Variants in SULT1C3 observed in about 807,000 individuals in gnomAD.
SULT1C3 encodes the protein sulfotransferase family 1C member 3.
A neutral mutation model predicts 28.4 loss-of-function variants in SULT1C3; 31 were observed. The ratio of observed to expected loss-of-function variants is 1.09; its 90% CI spans 0.82 to 1.47. The LOEUF is 1.47. Among genes scored for constraint, SULT1C3 ranks in the 40% most tolerant of loss-of-function variants. SULT1C3 has a pLI of 0.00. For missense variants in SULT1C3, 307 were observed against 272.5 expected (o/e 1.13, Z -0.89); for synonymous variants, 106 against 92.2 (o/e 1.15, Z -0.86).
rs1383904226 is a variant in SULT1C3 at position 108,257,493 on chromosome 2, A to G, written c.527-1241A>G. Among the ~76,000 whole-genome samples the G allele has an allele frequency of 2.6e-5, 4 of 152,188 alleles. 1 individual carries two copies. Among genetic ancestry groups the G allele is most frequent in the South Asian group, 4.1e-4 (2 of 4,828 alleles). The stretch of plus-strand genomic sequence containing the variant: ...ATAAAACATGCACACACATACATAT[A>G]CATGGATGAGTCCCCTTTATACTTG... On this transcript the variant is annotated intron_variant, in intron 5 of 7. Coordinates refer to ENST00000681802, the MANE Select transcript of SULT1C3 (RefSeq NM_001320878.2).
At chr2:108,261,317 G>A (rs1450063805), downstream of SULT1C3, among the ~76,000 whole-genome samples, 1 of 152,108 alleles carries the variant, frequency 6.6e-6, no homozygotes, top group African/African-American at 2.4e-5. Flanking sequence ...ATCTTCCCAC[G>A]ATATAAATAA....
At position 108,260,848 on chromosome 2, in the gene SULT1C3, C is replaced by A. The variant is rs1239713723; in HGVS notation, c.*168C>A. On this transcript the variant is annotated 3_prime_UTR_variant, in exon 8 of 8. Transcript: ENST00000681802. ...AACATGATTTAAAATATCAACAAAC[C>A]AGTTACTCCAGTAAATAAAATAAGA... 6.6e-6 allele frequency among the ~76,000 whole-genome samples: 1 copy of A among 152,074 alleles called. No individual in the cohort carries two copies. The highest frequency in any genetic ancestry group is 1.5e-5 in the Non-Finnish European group (1 of 68,014).
chr2:108,260,745 C>T lies in SULT1C3; in HGVS notation c.*65C>T, dbSNP rs987105035. On this transcript the variant is annotated 3_prime_UTR_variant, in exon 8 of 8. Coordinates refer to ENST00000681802, the MANE Select transcript of SULT1C3 (RefSeq NM_001320878.2). ...CTATTTCGCCTTTTATTCTGTTGAG[C>T]AAGGAACTGTGACTGAATGTGGAGC... is the stretch of plus-strand genomic sequence containing the variant. The T allele has an allele frequency of 4.3e-5, 19 of 440,202 alleles. 1 individual carries two copies. Among genetic ancestry groups the T allele is most frequent in the African/African-American group, 6.0e-5 (3 of 49,648 alleles). 27.3% of individuals were successfully genotyped at this position (440,202 alleles called of 1,614,324 possible). A position where few individuals can be genotyped will look rare whatever the true frequency, so the allele number is the denominator to read the frequency against.
At chr2:108,257,505 C>A (rs1675903422) in intron 5 of SULT1C3, among the ~76,000 whole-genome samples, 1 of 151,870 alleles carries the variant, frequency 6.6e-6, no homozygotes, top group South Asian at 2.1e-4. Context: ...ATGGATGAGT[C>A]CCCTTTATAC....
intron 1 of SULT1C3, among the ~76,000 whole-genome samples, chr2:108,245,013 C>T (rs966269598): frequency 2.6e-5 from 4 of 152,116 alleles, no homozygotes; most frequent in Admixed American, 2.0e-4. Context: ...ATCTGTTACC[C>T]ATCTAAAAAC....
Position 108,255,677 on chromosome 2 carries a change from G to A in SULT1C3, c.505G>A (p.Glu169Lys), listed in dbSNP as rs757774310. 1.9e-6 allele frequency: 3 copies of A among 1,610,824 alleles called. No homozygotes were observed. The highest frequency in any genetic ancestry group is 2.7e-5 in the African/African-American group (2 of 74,678). The change falls in exon 5 of 8, where the codon GAG becomes AAG. Residue 169 changes from glutamate to lysine, a missense_variant. Physicochemically the swap from Glu to Lys is moderately conservative, Grantham distance 56. Transcript: ENST00000681802. Reference protein sequence around the residue: ...PDPQNLEEFYEKFMSGKVVGG... With the variant: ...PDPQNLEEFYKKFMSGKVVGG... ...TCCTCAGAACTTAGAGGAATTTTAT[G>A]AGAAATTCATGTCCGGAAAAGGTGA...
At chr2:108,263,817 G>A (rs1169351184), downstream of SULT1C3, among the ~76,000 whole-genome samples, 1 of 152,016 alleles carries the variant, frequency 6.6e-6, no homozygotes, top group Non-Finnish European at 1.5e-5. Flanking sequence ...CTACTTTTTC[G>A]GTATTCTAAA....
At chr2:108,255,499 G>T (rs1675844142) in intron 4 of SULT1C3, 73 bp from the exon 5 acceptor site, 1 of 1,533,770 alleles carries the variant, frequency 6.5e-7, no homozygotes, top group Admixed American at 1.8e-5. Flanking sequence ...CCATTGTATT[G>T]AAACACTCAC....
chr2:108,249,782 ATAGAG>A (rs141205919), intron 2 of SULT1C3, among the ~76,000 whole-genome samples: 4,155 of 152,168 alleles, frequency 0.027, 195 homozygotes, highest in African/African-American at 0.095. Flanking sequence ...AATATTTTTG[ATAGAG>A]TAAAGTGGCA....
intron 1 of SULT1C3, among the ~76,000 whole-genome samples, chr2:108,242,302 C>G (rs951252476): frequency 2.6e-5 from 4 of 152,162 alleles, no homozygotes; most frequent in Non-Finnish European, 5.9e-5. Flanking sequence ...ACACACAAAA[C>G]ATATATAGCA....
downstream of SULT1C3, chr2:108,265,024 CTAAGATGT>C (rs1676103297): frequency 4.0e-5 from 64 of 1,588,962 alleles, 1 homozygote; most frequent in East Asian, 1.4e-3. Flanking sequence ...GCTTTGTAGT[CTAAGATGT>C]CAAATGGAAC....
chr2:108,265,346 A>G (rs2104397102), downstream of SULT1C3: 1 of 1,612,696 alleles, frequency 6.2e-7, no homozygotes, highest in East Asian at 2.2e-5. Context: ...CCGCACAGAG[A>G]TCTGAGAGCA....
At chr2:108,260,145 T>A (rs1675985388) in intron 7 of SULT1C3, among the ~76,000 whole-genome samples, 1 of 152,142 alleles carries the variant, frequency 6.6e-6, no homozygotes, top group Admixed American at 6.6e-5. Context: ...TATTTAATTT[T>A]ACCCAACAAG....
At chr2:108,254,488 A>G (rs1268985972) in intron 4 of SULT1C3, among the ~76,000 whole-genome samples, 2 of 151,932 alleles carry the variant, frequency 1.3e-5, no homozygotes, top group Non-Finnish European at 2.9e-5. Context: ...ACATTGCATT[A>G]TAATTTTCTC....
At chr2:108,244,482 T>A (rs1240160114) in intron 1 of SULT1C3, among the ~76,000 whole-genome samples, 1 of 152,212 alleles carries the variant, frequency 6.6e-6, no homozygotes. Context: ...TTTGCCTATA[T>A]TTTTGCCTTC....
chr2:108,255,797 T>A, intron 5 of SULT1C3, 99 bp downstream of exon 5: 1 of 1,417,472 alleles, frequency 7.1e-7, no homozygotes, highest in Non-Finnish European at 9.4e-7. Context: ...GCCATCCTGA[T>A]TGAGGAGGTC....
At chr2:108,256,977 T>C (rs12472278) in intron 5 of SULT1C3, among the ~76,000 whole-genome samples, 1 of 151,780 alleles carries the variant, frequency 6.6e-6, no homozygotes, top group Non-Finnish European at 1.5e-5. Context: ...GAAGACAGGA[T>C]CCAAGCTTCT....
Position 108,250,815 on chromosome 2 carries a change from T to G in SULT1C3, c.173-1550T>G, listed in dbSNP as rs548341745. The stretch of plus-strand genomic sequence containing the variant: ...AATTCAGACACATGAGGACAAACTG[T>G]ATGGTTTCATTTATATGAAATTCAA... On this transcript the variant is annotated intron_variant, in intron 2 of 7. Coordinates refer to ENST00000681802, the MANE Select transcript of SULT1C3 (RefSeq NM_001320878.2). Among the ~76,000 whole-genome samples, 5 of 152,164 alleles carry G rather than the reference T, an allele frequency of 3.3e-5. No individual in the cohort carries two copies. The South Asian group carries it at 1.0e-3, about 31-fold the overall frequency.
intron 1 of SULT1C3, among the ~76,000 whole-genome samples, chr2:108,245,574 A>G (rs1675560206): frequency 6.6e-6 from 1 of 152,146 alleles, no homozygotes; most frequent in Admixed American, 6.6e-5. Flanking sequence ...AGGAGTAGCT[A>G]GGAAGCAGGG....
Sources: allele counts gnomAD v4.1 joint callset (sites outside exome capture counted in the v4.1 genomes callset), GRCh38; gene constraint gnomAD v4.1.1; transcripts MANE v1.5; gene names NCBI Gene and HGNC (gene_info 2026-07-23, HGNC 2026-07-21).